Variants in C2 observed in about 807,000 individuals in gnomAD.
C2 encodes complement C2, also known as C3/C5 convertase.
Under a neutral mutation model 85.2 loss-of-function variants are expected in C2, and 64 were observed. That is an observed-to-expected ratio of 0.75 (90% CI 0.61 to 0.92). The LOEUF is 0.92. Ranked by LOEUF, C2 falls within the 40% of genes least tolerant of loss-of-function variation. C2 has a pLI of 0.00. For missense variants in C2, 820 were observed against 971.6 expected, an observed-to-expected ratio of 0.84 and a Z score of 2.07; for synonymous variants, 311 against 370.8, an observed-to-expected ratio of 0.84 and a Z score of 1.85.
At chr6:31,925,035 G>A (rs1338071972), upstream of C2, among the ~76,000 whole-genome samples, 1 of 152,172 alleles carries the variant, frequency 6.6e-6, no homozygotes, top group Non-Finnish European at 1.5e-5. Context: ...TCCTGAGACT[G>A]CCATGCTATG....
upstream of C2, among the ~76,000 whole-genome samples, chr6:31,917,634 G>A (rs756167041): frequency 2.6e-5 from 4 of 152,196 alleles, no homozygotes; most frequent in South Asian, 2.1e-4. Context: ...GGCCAGGCGC[G>A]GTGGCTCATG....
chr6:31,937,554 A>G, intron 8 of C2, 95 bp downstream of exon 8: 1 of 1,488,466 alleles, frequency 6.7e-7, no homozygotes. Context: ...TCTGCCTGCC[A>G]CTTTGGGCCC....
upstream of C2, chr6:31,900,806 G>A: frequency 6.9e-6 from 11 of 1,600,142 alleles, no homozygotes; most frequent in Non-Finnish European, 9.4e-6. This position sits in a 1 kb window ranked among gnomAD's most constrained non-coding sequence, Gnocchi z 9.7. Flanking sequence ...AGGTGGGGGT[G>A]GGGGCTTCGG....
chr6:31,899,522 C>G (rs1767021365), upstream of C2: 1 of 182,898 alleles, frequency 5.5e-6, no homozygotes. Flanking sequence ...CAAATTCCCT[C>G]CCTGTTCCCA....
upstream of C2, among the ~76,000 whole-genome samples, chr6:31,915,910 C>A (rs945489333): frequency 6.6e-6 from 1 of 152,196 alleles, no homozygotes; most frequent in Non-Finnish European, 1.5e-5. Context: ...CTCGGTGTAG[C>A]GCTGACTGGC....
rs922951117 is a variant in C2, at chr6:31,904,279, A to G, written c.73+3140A>G. Among the ~76,000 whole-genome samples, 5 of 152,058 alleles carry G rather than the reference A, an allele frequency of 3.3e-5. 1 individual carries two copies. Among genetic ancestry groups the G allele is most frequent in the African/African-American group, 7.3e-5 (3 of 41,368 alleles). On this transcript the variant is annotated intron_variant, in intron 1 of 3. Transcript: ENST00000452202. The surrounding 1 kb of genome is among the most constrained non-coding windows in gnomAD (Gnocchi z 4.4). ...CTTTTCCTAATCTGGGAAACGGACT[A>G]TGAAATTTTCAAAAGAATTTTATTT...
At chr6:31,898,415 C>A (rs1396026933), upstream of C2, among the ~76,000 whole-genome samples, 1 of 152,136 alleles carries the variant, frequency 6.6e-6, no homozygotes, top group Non-Finnish European at 1.5e-5. Context: ...ATGATATACA[C>A]CAAGATAGAC....
At chr6:31,911,329 AAAAAT>A (rs1309833200) in intron 1 of C2, among the ~76,000 whole-genome samples, 2 of 152,172 alleles carry the variant, frequency 1.3e-5, no homozygotes, top group East Asian at 1.9e-4. Context: ...ACATAAAAAA[AAAAAT>A]AAAATGAATC....
In C2 at chr6:31,943,130, G is replaced by A. The variant is rs1454210958; in HGVS notation, c.1360+31G>A. ...TGAGCTTTGCCCTCCTTGGTGTGGG[G>A]AGGATGGTGAGGAGCCCGCCAGAGG... On this transcript the variant is annotated intron_variant, in intron 10 of 17. Transcript: ENST00000299367. This position sits in a 1 kb window ranked among gnomAD's most constrained non-coding sequence, Gnocchi z 6.4. The A allele has an allele frequency of 9.9e-6, 16 of 1,612,770 alleles. No individual in the cohort carries two copies. Among genetic ancestry groups the A allele is most frequent in the Admixed American group, 1.7e-5 (1 of 60,010 alleles).
At chr6:31,917,300 TA>T (rs879748063), upstream of C2, among the ~76,000 whole-genome samples, 449 of 144,980 alleles carry the variant, frequency 3.1e-3, 1 homozygote, top group African/African-American at 5.8e-3. Context: ...TTTGCAGCCA[TA>T]AAAAAAAAAA....
rs888311019 is a variant in C2 at position 31,920,599 on chromosome 6, G to T, written c.-100+573G>T. ...GTTACCCAGGGCAGCTCCCCTGATG[G>T]GTAGCAAGAAGTGGGTGATAACATG... is the stretch of plus-strand genomic sequence containing the variant. On this transcript the variant is annotated intron_variant, in intron 1 of 3. Coordinates refer to the C2 transcript ENST00000413154. The surrounding 1 kb of genome is among the most constrained non-coding windows in gnomAD (Gnocchi z 5.6). Among the ~76,000 whole-genome samples, 2 of 152,082 alleles carry T rather than the reference G, an allele frequency of 1.3e-5. No individual in the cohort carries two copies. Among genetic ancestry groups the T allele is most frequent in the Non-Finnish European group, 2.9e-5 (2 of 68,010 alleles).
upstream of C2, among the ~76,000 whole-genome samples, chr6:31,915,338 T>G (rs1768432869): frequency 6.6e-6 from 1 of 152,194 alleles, no homozygotes; most frequent in Admixed American, 6.6e-5. Flanking sequence ...TTTAATGCGC[T>G]CTGGGGTTTC....
At chr6:31,912,062 G>A (rs1477011351) in intron 1 of C2, among the ~76,000 whole-genome samples, 10 of 150,822 alleles carry the variant, frequency 6.6e-5, no homozygotes, top group Non-Finnish European at 1.0e-4. Flanking sequence ...TTGAGCCACC[G>A]TGCCTGGCCA....
At chr6:31,901,959 C>T (rs1417671647) in intron 1 of C2, 1 of 143,530 alleles carries the variant, frequency 7.0e-6, no homozygotes, top group South Asian at 2.2e-4. Context: ...ATGCACGGGA[C>T]GCGCGCGCGC....
intron 1 of C2, among the ~76,000 whole-genome samples, chr6:31,913,931 C>T (rs981059880): frequency 7.5e-6 from 1 of 132,988 alleles, no homozygotes. Flanking sequence ...AGCCACCGTG[C>T]CTGGCCCTTT....
intron 9 of C2, 157 bp from the exon 10 acceptor site, chr6:31,942,802 G>T: frequency 2.5e-6 from 2 of 802,520 alleles, no homozygotes; most frequent in East Asian, 2.6e-5. Context: ...GCAGGGAGTG[G>T]CAGGAAATGA....
intron 1 of C2, among the ~76,000 whole-genome samples, chr6:31,905,699 G>C (rs1441572746): frequency 6.6e-6 from 1 of 152,070 alleles, no homozygotes; most frequent in Non-Finnish European, 1.5e-5. Flanking sequence ...AAAGGTCCAG[G>C]TTCCAGTCCA....
At position 31,945,322 on chromosome 6, in the gene C2, C is replaced by T; in HGVS notation, c.2224C>T (p.His742Tyr). Residue 742 changes from histidine to tyrosine, a missense_variant, in exon 18 of 18, where the codon CAC becomes TAC. By Grantham distance (83) the His-to-Tyr change is moderately conservative. Transcript: ENST00000299367. The surrounding 1 kb of genome is among the most constrained non-coding windows in gnomAD (Gnocchi z 5.3). ...CCGCATGCAGCCCTGGCTGAGGCAG[C>T]ACCTGGGGGATGTCCTGAATTTTTT... ...LFRMQPWLRQ[H>Y]LGDVLNFLPL 6.2e-7 allele frequency: 1 copy of T among 1,613,036 alleles called. No homozygotes were observed. The highest frequency in any genetic ancestry group is 8.5e-7 in the Non-Finnish European group (1 of 1,180,020).
In C2 at chr6:31,934,216, TACCTGCTCCTGG is replaced by T; in HGVS notation, c.769_780del (p.Leu257_Asp260del). The T allele has an allele frequency of 1.2e-6, 2 of 1,614,214 alleles. No individual in the cohort carries two copies. The highest frequency in any genetic ancestry group is 2.7e-5 in the African/African-American group (2 of 75,060). On this transcript the variant is annotated inframe_deletion, in exon 6 of 18. Coordinates refer to ENST00000299367, the MANE Select transcript of C2 (RefSeq NM_000063.6). ...CCAGCGCTCTGGTCATCTGAACCTC[TACCTGCTCCTGG>T]ACTGTTCGCAGAGTGTGTCGGAAAA... is the stretch of plus-strand genomic sequence containing the variant.
Sources: gnomAD v4.1 joint callset for allele counts (sites outside exome capture counted in the v4.1 genomes callset) on GRCh38, gnomAD v4.1.1 for gene constraint, Gnocchi (gnomAD v3.1) non-coding constraint, MANE v1.5 for transcripts, NCBI Gene and HGNC (gene_info 2026-07-23, HGNC 2026-07-21) for gene names.